The following MKLN1 variants were observed in gnomAD, a reference collection of about 807,000 sequenced individuals.
The protein encoded by MKLN1 is muskelin 1.
In MKLN1, 18 loss-of-function variants were observed where a neutral mutation model predicts 99.0. The observed-to-expected ratio is 0.18, with a 90% confidence interval of 0.13 to 0.27. The LOEUF (loss-of-function observed/expected upper bound fraction) is 0.27. Among genes scored for constraint, MKLN1 ranks in the 10% least tolerant of loss-of-function variants. The probability of loss-of-function intolerance (pLI) is 1.00; values close to 1 mark genes in which losing one functional copy is unlikely to be tolerated. For synonymous variants in MKLN1, 288 were observed against 293.2 expected, an observed-to-expected ratio of 0.98 and a Z score of 0.18; for missense variants, 621 against 875.9, an observed-to-expected ratio of 0.71 and a Z score of 3.67.
In MKLN1 at chr7:131,459,639, G is replaced by C. The variant is rs987153015; in HGVS notation, c.1526-3578G>C. Among the ~76,000 whole-genome samples the C allele has an allele frequency of 7.2e-5, 11 of 152,006 alleles. No individual in the cohort carries two copies. In the East Asian group the frequency reaches 2.1e-3, roughly 29 times the overall value. ...ATTCCTCTGTATATAATAATCTGCT[G>C]TTTCCTTCTTTGGAAGCTTTTAGAA... On this transcript the variant is annotated intron_variant, in intron 12 of 17. Transcript: ENST00000352689.
At chr7:131,270,520 C>A (rs1797869547) in intron 3 of MKLN1, among the ~76,000 whole-genome samples, 1 of 152,242 alleles carries the variant, frequency 6.6e-6, no homozygotes, top group South Asian at 2.1e-4. Flanking sequence ...CGTGCCCAGC[C>A]TATGGTGGTA....
chr7:131,239,242 A>AAT (rs1244784518), intron 3 of MKLN1, among the ~76,000 whole-genome samples: 1 of 152,194 alleles, frequency 6.6e-6, no homozygotes, highest in Non-Finnish European at 1.5e-5. Flanking sequence ...ATGATGTTTT[A>AAT]ATATATGCAT....
intron 4 of MKLN1, among the ~76,000 whole-genome samples, chr7:131,390,770 T>C (rs1164621052): frequency 6.6e-6 from 1 of 152,068 alleles, no homozygotes; most frequent in African/African-American, 2.4e-5. Context: ...CCAGAACTTA[T>C]TCTTCCTGCT....
At chr7:131,281,620 T>C (rs1798053548) in intron 3 of MKLN1, among the ~76,000 whole-genome samples, 1 of 152,188 alleles carries the variant, frequency 6.6e-6, no homozygotes, top group African/African-American at 2.4e-5. Context: ...TTCAGGATTA[T>C]TCATTGCTAG....
At chr7:131,412,170 A>G (rs1794901276) in intron 7 of MKLN1, among the ~76,000 whole-genome samples, 1 of 152,150 alleles carries the variant, frequency 6.6e-6, no homozygotes, top group South Asian at 2.1e-4. Flanking sequence ...AGGTGGCACA[A>G]TTCATTTGTT....
chr7:131,236,854 G>C (rs1158107611), intron 3 of MKLN1, among the ~76,000 whole-genome samples: 1 of 152,018 alleles, frequency 6.6e-6, no homozygotes, highest in Non-Finnish European at 1.5e-5. Flanking sequence ...GGGCATGCTG[G>C]TGCACTCCTG....
Position 131,492,298 on chromosome 7 carries a change from TG to T in MKLN1, c.*4571del, listed in dbSNP as rs1797444542. 1 of 152,368 alleles carries T rather than the reference TG, an allele frequency of 6.6e-6. No individual in the cohort carries two copies. The highest frequency in any genetic ancestry group is 2.1e-4 in the South Asian group (1 of 4,830). The allele number at this position is 152,368 out of a possible 1,614,324, so 9.4% of individuals were successfully genotyped here. On this transcript the variant is annotated 3_prime_UTR_variant, in exon 18 of 18. Coordinates refer to ENST00000352689, the MANE Select transcript of MKLN1 (RefSeq NM_013255.5). ...TGATTTCTGCTGAAGTTAGAATTTG[TG>T]TTAAGAATTGACTTTAAACTTCTGA...
chr7:131,118,781 C>G (rs751529519), intron 1 of MKLN1, among the ~76,000 whole-genome samples: 17 of 152,144 alleles, frequency 1.1e-4, no homozygotes, highest in Non-Finnish European at 2.4e-4. Context: ...CACTTTTAAA[C>G]AAGCACATAT....
At chr7:131,359,029 GATTT>G (rs931408548) in intron 1 of MKLN1, among the ~76,000 whole-genome samples, 4 of 151,842 alleles carry the variant, frequency 2.6e-5, no homozygotes, top group South Asian at 2.1e-4. Context: ...TTTGCCCTAA[GATTT>G]ATTTATTTAT....
chr7:131,337,166 G>A (rs185157561), intron 1 of MKLN1, among the ~76,000 whole-genome samples: 43 of 152,044 alleles, frequency 2.8e-4, no homozygotes, highest in African/African-American at 9.4e-4. Flanking sequence ...TTTTCTTTAA[G>A]TTTAAACAGC....
chr7:131,117,456 C>CAAT (rs1554524747), intron 1 of MKLN1, among the ~76,000 whole-genome samples: 1 of 149,802 alleles, frequency 6.7e-6, no homozygotes, highest in African/African-American at 2.5e-5. Flanking sequence ...ACAACAACAA[C>CAAT]AACAAACAAA....
intron 1 of MKLN1, among the ~76,000 whole-genome samples, chr7:131,373,821 A>G (rs1316624583): frequency 6.6e-6 from 1 of 152,184 alleles, no homozygotes; most frequent in Non-Finnish European, 1.5e-5. Flanking sequence ...TTTGGATTTC[A>G]CTAGTTTTCC....
chr7:131,343,408 C>T (rs561626446), intron 1 of MKLN1, among the ~76,000 whole-genome samples: 4 of 152,168 alleles, frequency 2.6e-5, no homozygotes, highest in Non-Finnish European at 4.4e-5. Context: ...CCACATTCAC[C>T]CTTTTTAATG....
At chr7:131,364,554 A>G (rs951525668) in intron 1 of MKLN1, among the ~76,000 whole-genome samples, 4 of 151,384 alleles carry the variant, frequency 2.6e-5, no homozygotes, top group African/African-American at 9.7e-5. Context: ...TGTTGTACAG[A>G]TTGTTTCATC....
chr7:131,352,416 A>G (rs1387234092), intron 1 of MKLN1, among the ~76,000 whole-genome samples: 2 of 152,176 alleles, frequency 1.3e-5, no homozygotes, highest in Admixed American at 6.5e-5. Flanking sequence ...TAGGTGATAG[A>G]GCTAGGAAAT....
intron 6 of MKLN1, among the ~76,000 whole-genome samples, chr7:131,404,833 G>A (rs1794653476): frequency 6.6e-6 from 1 of 152,096 alleles, no homozygotes; most frequent in African/African-American, 2.4e-5. Flanking sequence ...CTGGGCTCAA[G>A]TGATCCACCT....
intron 2 of MKLN1, among the ~76,000 whole-genome samples, chr7:131,182,650 A>G (rs777482515): frequency 6.6e-6 from 1 of 151,204 alleles, no homozygotes; most frequent in Non-Finnish European, 1.5e-5. Flanking sequence ...GAGAATAAAG[A>G]CTTACAAATA....
In MKLN1 at chr7:131,494,198, A is replaced by C. The variant is rs1417630656; in HGVS notation, c.*6470A>C. 6.6e-6 allele frequency: 1 copy of C among 152,196 alleles called. No homozygotes were observed. The highest frequency in any genetic ancestry group is 2.4e-5 in the African/African-American group (1 of 41,452). The allele number at this position is 152,196 out of a possible 1,614,324, so 9.4% of individuals were successfully genotyped here. A position where few individuals can be genotyped will look rare whatever the true frequency, so the allele number is the denominator to read the frequency against. On this transcript the variant is annotated 3_prime_UTR_variant, in exon 18 of 18. Transcript: ENST00000352689. ...AATTCTGCTTTGCCAAGCAATAATG[A>C]GATCTGGGTTTGGCATTAGAAGTAT... is the stretch of plus-strand genomic sequence containing the variant.
chr7:131,246,174 G>A (rs1041820577), intron 3 of MKLN1, among the ~76,000 whole-genome samples: 2 of 152,210 alleles, frequency 1.3e-5, no homozygotes, highest in African/African-American at 4.8e-5. Context: ...AGCTAGATAG[G>A]CTTGACTTGT....
Sources: allele counts gnomAD v4.1 joint callset (sites outside exome capture counted in the v4.1 genomes callset), GRCh38; gene constraint gnomAD v4.1.1; transcripts MANE v1.5; gene names NCBI Gene and HGNC (gene_info 2026-07-23, HGNC 2026-07-21).